The following CAMTA1 variants were observed in gnomAD, a reference collection of about 807,000 sequenced individuals.
The protein encoded by CAMTA1 is calmodulin-binding transcription activator 1.
A neutral mutation model predicts 170.9 loss-of-function variants in CAMTA1; 27 were observed. The observed-to-expected ratio is 0.16, with a 90% CI of 0.12 to 0.22. The LOEUF is 0.22. Ranked by LOEUF, CAMTA1 falls within the 10% of genes least tolerant of loss-of-function variation. CAMTA1 has a pLI of 1.00. For missense variants in CAMTA1, 1,619 were observed against 2,217.2 expected (o/e 0.73, Z 5.42); for synonymous variants, 833 against 891.5 (o/e 0.93, Z 1.17).
chr1:7,349,710 C>A (rs1398042917), intron 5 of CAMTA1, among the ~76,000 whole-genome samples: 1 of 152,216 alleles, frequency 6.6e-6, no homozygotes, highest in Admixed American at 6.5e-5. Flanking sequence ...TCAGGGCCTG[C>A]CCTCCTGACC....
chr1:7,724,025 G>A (rs1419295089), intron 11 of CAMTA1, among the ~76,000 whole-genome samples: 1 of 152,130 alleles, frequency 6.6e-6, no homozygotes, highest in African/African-American at 2.4e-5. Context: ...CACCATGTTG[G>A]CCAGGCTAGT....
At position 7,381,341 on chromosome 1, in the gene CAMTA1, T is replaced by C. The variant is rs548851040; in HGVS notation, c.439-86489T>C. Reference sequence around the variant, plus strand: ...CACAACAGTCCCCAGAGTGTGATGTTCCCCTTCCTGTGTCCATGTGTTCTC... The same window carrying C: ...CACAACAGTCCCCAGAGTGTGATGTCCCCCTTCCTGTGTCCATGTGTTCTC... On this transcript the variant is annotated intron_variant, in intron 5 of 22. Transcript: ENST00000303635. 2.2e-3 allele frequency among the ~76,000 whole-genome samples: 319 copies of C among 145,030 alleles called. 1 individual carries two copies. The highest frequency in any genetic ancestry group is 7.6e-3 in the African/African-American group (300 of 39,334).
At chr1:7,344,678 G>GTTCACGGGTGAGCAGGGCCCCTC (rs2084089356) in intron 5 of CAMTA1, among the ~76,000 whole-genome samples, 1 of 151,782 alleles carries the variant, frequency 6.6e-6, no homozygotes, top group South Asian at 2.1e-4. Flanking sequence ...GCATTTCCCT[G>GTTCACGGGTGAGCAGGGCCCCTC]TTCACGGGTG....
chr1:7,081,741 A>C (rs895468640), intron 3 of CAMTA1, among the ~76,000 whole-genome samples: 2 of 152,188 alleles, frequency 1.3e-5, no homozygotes, highest in African/African-American at 2.4e-5. Flanking sequence ...GCAGCTTCTC[A>C]GCGCCAAGCA....
intron 3 of CAMTA1, chr1:6,871,687 C>G (rs562586448): frequency 7.3e-7 from 1 of 1,368,420 alleles, no homozygotes; most frequent in East Asian, 2.5e-5. Flanking sequence ...ACAGTGGAAT[C>G]TTTTCAAGAG....
intron 3 of CAMTA1, among the ~76,000 whole-genome samples, chr1:6,880,823 C>T (rs1364149193): frequency 2.0e-5 from 3 of 151,828 alleles, no homozygotes; most frequent in Admixed American, 6.6e-5. Flanking sequence ...TATTGAATAC[C>T]GAGTACTAGG....
At chr1:7,728,364 C>A (rs1432678415) in intron 11 of CAMTA1, among the ~76,000 whole-genome samples, 1 of 152,278 alleles carries the variant, frequency 6.6e-6, no homozygotes, top group Non-Finnish European at 1.5e-5. Context: ...CCACGGGCAG[C>A]AGGCAGGCTC....
Position 6,914,102 on chromosome 1 carries a change from CT to C in CAMTA1, c.234+88911del, listed in dbSNP as rs35814913. 3.9e-3 allele frequency among the ~76,000 whole-genome samples: 479 copies of C among 122,014 alleles called. 1 individual carries two copies. Among genetic ancestry groups the C allele is most frequent in the African/African-American group, 8.9e-3 (291 of 32,586 alleles). 80.0% of individuals were successfully genotyped at this position (122,014 alleles called of 152,430 possible). A position where few individuals can be genotyped will look rare whatever the true frequency, so the allele number is the denominator to read the frequency against. ...GGTTGCAAAAAGGCAGGGCTCATCT[CT>C]TTTTTTTTTTTTTTTTTTGAGATAG... is the stretch of plus-strand genomic sequence containing the variant. On this transcript the variant is annotated intron_variant, in intron 3 of 22. Coordinates refer to ENST00000303635, the MANE Select transcript of CAMTA1 (RefSeq NM_015215.4).
intron 6 of CAMTA1, among the ~76,000 whole-genome samples, chr1:7,502,606 T>C (rs1575671760): frequency 6.6e-6 from 1 of 152,128 alleles, no homozygotes; most frequent in Non-Finnish European, 1.5e-5. Context: ...AGGAGCAGGA[T>C]TGCTTCACCA....
intron 1 of CAMTA1, among the ~76,000 whole-genome samples, chr1:6,806,565 G>A (rs926875276): frequency 3.9e-5 from 6 of 152,180 alleles, no homozygotes; most frequent in Non-Finnish European, 7.3e-5. Flanking sequence ...GATGTAGTAG[G>A]CTGCCTTGGT....
chr1:7,493,469 A>C (rs1286572044), intron 6 of CAMTA1, among the ~76,000 whole-genome samples: 2 of 151,948 alleles, frequency 1.3e-5, no homozygotes, highest in African/African-American at 4.8e-5. Flanking sequence ...ACACACAAAA[A>C]CATATAAACA....
intron 3 of CAMTA1, among the ~76,000 whole-genome samples, chr1:6,844,410 C>T (rs1023693650): frequency 3.2e-4 from 48 of 151,240 alleles, no homozygotes; most frequent in Admixed American, 2.6e-4. Context: ...CAGTGGCTCG[C>T]GCCAGTAATC....
chr1:6,936,157 G>A (rs1423398248), intron 3 of CAMTA1, among the ~76,000 whole-genome samples: 2 of 152,330 alleles, frequency 1.3e-5, no homozygotes, highest in Non-Finnish European at 2.9e-5. Flanking sequence ...TGAAGTCTGC[G>A]GGGACTTAGG....
chr1:7,056,153 C>T (rs998638125), intron 3 of CAMTA1, among the ~76,000 whole-genome samples: 6 of 152,156 alleles, frequency 3.9e-5, no homozygotes, highest in African/African-American at 1.2e-4. Flanking sequence ...AGCTGGTCCC[C>T]GGGGCCAGAG....
chr1:7,736,880 C>G lies in CAMTA1; in HGVS notation c.3264-51C>G, dbSNP rs1382219089. Reference sequence around the variant, plus strand: ...GGGGTTTTATAATATTCTGGTGTTTCCTTTTAACGGTGGTGAATAGTGTGG... The same window carrying G: ...GGGGTTTTATAATATTCTGGTGTTTGCTTTTAACGGTGGTGAATAGTGTGG... On this transcript the variant is annotated intron_variant, in intron 13 of 22. Coordinates refer to ENST00000303635, the MANE Select transcript of CAMTA1 (RefSeq NM_015215.4). This position sits in a 1 kb window ranked among gnomAD's most constrained non-coding sequence, Gnocchi z 4.5. The G allele has an allele frequency of 7.1e-6, 10 of 1,400,328 alleles. No homozygotes were observed. The East Asian group carries it at 2.3e-4, about 32-fold the overall frequency. The allele number at this position is 1,400,328 out of a possible 1,614,324, so 86.7% of individuals were successfully genotyped here.
chr1:6,988,251 C>T (rs756030129), intron 3 of CAMTA1, among the ~76,000 whole-genome samples: 8 of 152,054 alleles, frequency 5.3e-5, no homozygotes, highest in South Asian at 4.1e-4. Flanking sequence ...CGTGACGCTC[C>T]GAAAGCTGGT....
chr1:6,838,545 C>T, intron 3 of CAMTA1, among the ~76,000 whole-genome samples: 1 of 152,200 alleles, frequency 6.6e-6, no homozygotes, highest in East Asian at 1.9e-4. Flanking sequence ...CTGAAGTGAA[C>T]AATTTCTAAT....
rs973812644 is a variant in CAMTA1 at position 6,971,867 on chromosome 1, A to G, written c.235-119437A>G. On this transcript the variant is annotated intron_variant, in intron 3 of 22. Transcript: ENST00000303635. This position sits in a 1 kb window ranked among gnomAD's most constrained non-coding sequence, Gnocchi z 4.6. ...GGCTCCGCTGCCATTGGCGTCAGCA[A>G]GGCCCGTCAGCCTCCCCAAAAAGCC... 1.3e-5 allele frequency among the ~76,000 whole-genome samples: 2 copies of G among 152,228 alleles called. No homozygotes were observed. The highest frequency in any genetic ancestry group is 2.9e-5 in the Non-Finnish European group (2 of 68,038).
At chr1:7,520,960 A>G (rs770721541) in intron 6 of CAMTA1, among the ~76,000 whole-genome samples, 2 of 152,082 alleles carry the variant, frequency 1.3e-5, no homozygotes, top group African/African-American at 2.4e-5. Flanking sequence ...CCATAATAAT[A>G]TATAACTAGC....
Sources: allele counts gnomAD v4.1 joint callset (sites outside exome capture counted in the v4.1 genomes callset), GRCh38; gene constraint gnomAD v4.1.1; non-coding constraint Gnocchi (gnomAD v3.1); transcripts MANE v1.5; gene names NCBI Gene and HGNC (gene_info 2026-07-23, HGNC 2026-07-21).